Variants in FHOD3 observed in about 807,000 individuals in gnomAD.
FHOD3 encodes FH1/FH2 domain-containing protein 3.
FHOD3 carries 90 observed loss-of-function variants against 173.0 expected under a neutral mutation model. The observed-to-expected ratio is 0.52, with a 90% CI of 0.44 to 0.62. FHOD3 has a LOEUF of 0.62. FHOD3 is among the 20% of genes least tolerant of loss of function. The pLI is 0.00. For synonymous variants in FHOD3, 828 were observed against 823.0 expected, an observed-to-expected ratio of 1.01 and a Z score of -0.10; for missense variants, 1,945 against 2,034.7, an observed-to-expected ratio of 0.96 and a Z score of 0.85.
intron 2 of FHOD3, 119 bp from the exon 3 acceptor site, chr18:36,372,561 C>G (rs571169957): frequency 1.5e-6 from 1 of 684,362 alleles, no homozygotes; most frequent in Admixed American, 2.4e-5. Context: ...CAGTGTGGGT[C>G]TCTGCTTCTC....
In FHOD3 at chr18:36,587,586, G is replaced by A. The variant is rs188373197; in HGVS notation, c.607-7201G>A. ...GAGGGTGGATCATCTGAGGTCGGGA[G>A]TTTGAGACCAGCCTGACCAATATGG... On this transcript the variant is annotated intron_variant, in intron 6 of 28. Coordinates refer to ENST00000590592, the MANE Select transcript of FHOD3 (RefSeq NM_001281740.3). Among the ~76,000 whole-genome samples the A allele has an allele frequency of 2.8e-3, 424 of 152,256 alleles. 2 individuals are homozygous for A. The highest frequency in any genetic ancestry group is 4.4e-3 in the Non-Finnish European group (298 of 68,000).
intron 5 of FHOD3, among the ~76,000 whole-genome samples, chr18:36,517,672 A>C (rs868408187): frequency 3.3e-5 from 5 of 152,240 alleles, no homozygotes; most frequent in Middle Eastern, 3.2e-3. Flanking sequence ...CAGTTATTTT[A>C]AAAGCTGGAT....
At chr18:36,376,036 T>C (rs2047425317) in intron 3 of FHOD3, among the ~76,000 whole-genome samples, 3 of 152,208 alleles carry the variant, frequency 2.0e-5, no homozygotes, top group Admixed American at 6.5e-5. Flanking sequence ...ACATGAGAAG[T>C]CTGCATTTTA....
chr18:36,635,539 A>C (rs76638815), intron 10 of FHOD3, among the ~76,000 whole-genome samples: 3,886 of 152,228 alleles, frequency 0.026, 175 homozygotes, highest in African/African-American at 0.09. Context: ...AAGCAGGGGA[A>C]GAGAGAAGGG....
Position 36,602,875 on chromosome 18 carries a change from C to T in FHOD3, c.813+107C>T, listed in dbSNP as rs1216893767. The T allele has an allele frequency of 5.9e-6, 5 of 840,592 alleles. No individual in the cohort carries two copies. In the African/African-American group the frequency reaches 6.8e-5, roughly 11 times the overall value. 52.1% of individuals were successfully genotyped at this position (840,592 alleles called of 1,614,324 possible). ...GGCTTATTTGGAAATAGTGTCGTAG[C>T]AGATATAATCTGGTTGTGAGGGTGG... On this transcript the variant is annotated intron_variant, in intron 8 of 28. Transcript: ENST00000590592.
chr18:36,610,587 G>C (rs375728713), intron 8 of FHOD3, among the ~76,000 whole-genome samples: 5 of 152,302 alleles, frequency 3.3e-5, no homozygotes, highest in African/African-American at 1.2e-4. Context: ...GTTTTCATTA[G>C]TTTCTGATCT....
intron 5 of FHOD3, among the ~76,000 whole-genome samples, chr18:36,565,633 AT>A (rs142390291): frequency 0.11 from 16,347 of 151,458 alleles, 1,293 homozygotes; most frequent in African/African-American, 0.2. Context: ...CCATTCATTT[AT>A]TTTTTTTTCT....
intron 17 of FHOD3, among the ~76,000 whole-genome samples, chr18:36,695,580 A>G (rs1305867122): frequency 6.6e-6 from 1 of 152,202 alleles, no homozygotes; most frequent in Non-Finnish European, 1.5e-5. Flanking sequence ...GAGATCTAGA[A>G]GAGCTGTCCA....
intron 14 of FHOD3, among the ~76,000 whole-genome samples, chr18:36,678,524 C>CAAAAA (rs58064190): frequency 3.5e-4 from 25 of 71,114 alleles, no homozygotes; most frequent in Admixed American, 5.4e-4. Context: ...GACCCTGTCT[C>CAAAAA]AAAAAAAAAA....
At chr18:36,742,930 G>A (rs2041972704) in intron 22 of FHOD3, 74 bp downstream of exon 22, 11 of 1,543,660 alleles carry the variant, frequency 7.1e-6, no homozygotes, top group Admixed American at 6.0e-5. Context: ...GCTGATGAAG[G>A]TTGTACCTCA....
At chr18:36,320,166 A>G (rs973843144) in intron 1 of FHOD3, among the ~76,000 whole-genome samples, 10 of 152,120 alleles carry the variant, frequency 6.6e-5, no homozygotes, top group African/African-American at 2.4e-4. Flanking sequence ...GACACAAAAA[A>G]CCCTTTAAAA....
intron 5 of FHOD3, among the ~76,000 whole-genome samples, chr18:36,519,070 G>A (rs566941019): frequency 5.3e-5 from 8 of 152,304 alleles, no homozygotes; most frequent in South Asian, 2.1e-4. Flanking sequence ...TGCATGTCCC[G>A]TCTGTGGCTC....
chr18:36,718,781 A>G, intron 19 of FHOD3, 66 bp downstream of exon 19: 2 of 1,530,008 alleles, frequency 1.3e-6, no homozygotes, highest in Non-Finnish European at 1.7e-6. Flanking sequence ...TTCGTTCTGT[A>G]TAAAATACTA....
intron 3 of FHOD3, among the ~76,000 whole-genome samples, chr18:36,448,975 A>G (rs2144189153): frequency 6.7e-6 from 1 of 149,194 alleles, no homozygotes; most frequent in African/African-American, 2.5e-5. Flanking sequence ...TTTCCTTTTC[A>G]GGACAGCCAT....
At chr18:36,475,191 G>T (rs1247734447) in intron 3 of FHOD3, among the ~76,000 whole-genome samples, 3 of 152,154 alleles carry the variant, frequency 2.0e-5, no homozygotes, top group Non-Finnish European at 4.4e-5. Context: ...CCCACAGGTG[G>T]TTCATCTCCC....
chr18:36,442,741 T>C (rs2051225026), intron 3 of FHOD3, among the ~76,000 whole-genome samples: 1 of 152,224 alleles, frequency 6.6e-6, no homozygotes, highest in South Asian at 2.1e-4. Context: ...TTAACATTGA[T>C]GCATTTCCAT....
At chr18:36,475,058 C>T (rs1025388017) in intron 3 of FHOD3, among the ~76,000 whole-genome samples, 1 of 149,724 alleles carries the variant, frequency 6.7e-6, no homozygotes, top group Non-Finnish European at 1.5e-5. Flanking sequence ...ATGCCTTCTA[C>T]TTGGAGAACA....
chr18:36,414,739 G>A (rs920118087), intron 3 of FHOD3, among the ~76,000 whole-genome samples: 2 of 152,198 alleles, frequency 1.3e-5, no homozygotes, highest in Non-Finnish European at 2.9e-5. Context: ...GCTGAGCCTG[G>A]GTAGGACGTT....
intron 5 of FHOD3, among the ~76,000 whole-genome samples, chr18:36,540,178 A>G (rs1397434465): frequency 6.6e-6 from 1 of 152,210 alleles, no homozygotes; most frequent in Non-Finnish European, 1.5e-5. Context: ...AGAATGCCCA[A>G]TTCAGCCAGG....
Sources: gnomAD v4.1 joint callset for allele counts (sites outside exome capture counted in the v4.1 genomes callset) on GRCh38, gnomAD v4.1.1 for gene constraint, MANE v1.5 for transcripts, NCBI Gene and HGNC (gene_info 2026-07-23, HGNC 2026-07-21) for gene names.